SHISA6: variants seen among roughly 807,000 people sequenced by gnomAD.
SHISA6 encodes protein shisa-6.
In SHISA6, 22 loss-of-function variants were observed where a neutral mutation model predicts 47.9. The observed-to-expected ratio is 0.46, with a 90% CI of 0.33 to 0.66. The LOEUF (loss-of-function observed/expected upper bound fraction) is 0.66, where lower values mean the gene tolerates loss of function less well. SHISA6 is among the 30% of genes least tolerant of loss of function. SHISA6 has a pLI of 0.02. For missense variants in SHISA6, 680 were observed against 764.6 expected (o/e 0.89, Z 1.30); for synonymous variants, 388 against 337.8 (o/e 1.15, Z -1.63).
At chr17:11,528,085 A>AT (rs1234008053) in intron 3 of SHISA6, among the ~76,000 whole-genome samples, 1 of 152,132 alleles carries the variant, frequency 6.6e-6, no homozygotes, top group Non-Finnish European at 1.5e-5. Context: ...TTCCTTCCAA[A>AT]TTTGGGGGGT....
intron 3 of SHISA6, among the ~76,000 whole-genome samples, chr17:11,503,023 A>T (rs1315324191): frequency 6.6e-6 from 1 of 152,188 alleles, no homozygotes; most frequent in African/African-American, 2.4e-5. Context: ...TCAACCATGT[A>T]CTTTTTCTTT....
chr17:11,484,625 C>G (rs1436481243), intron 3 of SHISA6, among the ~76,000 whole-genome samples: 10 of 152,194 alleles, frequency 6.6e-5, no homozygotes, highest in Admixed American at 6.5e-4. Flanking sequence ...TCTTGAACTC[C>G]TGACCTCAAG....
chr17:11,488,444 T>A (rs975019404), intron 3 of SHISA6, among the ~76,000 whole-genome samples: 1 of 152,190 alleles, frequency 6.6e-6, no homozygotes, highest in Non-Finnish European at 1.5e-5. Context: ...TGCCTACTTA[T>A]ATTACTAAGG....
intron 3 of SHISA6, among the ~76,000 whole-genome samples, chr17:11,465,145 A>G (rs1366651739): frequency 6.6e-6 from 1 of 152,130 alleles, no homozygotes. Flanking sequence ...ATCTGGTCCA[A>G]CAACCCACTT....
rs188819774 is a variant in SHISA6 at position 11,436,556 on chromosome 17, T to C, written c.895+57047T>C. 9.5e-4 allele frequency among the ~76,000 whole-genome samples: 144 copies of C among 152,326 alleles called. 1 individual carries two copies. Among genetic ancestry groups the C allele is most frequent in the South Asian group, 4.4e-3 (21 of 4,826 alleles). On this transcript the variant is annotated intron_variant, in intron 3 of 5. Transcript: ENST00000441885. ...TTCACTTTAACAGCATCCCTTTATT[T>C]CTTCTTGATTGTACTCATACTAATC...
chr17:11,507,746 G>A (rs1040365793), intron 3 of SHISA6, among the ~76,000 whole-genome samples: 1 of 152,138 alleles, frequency 6.6e-6, no homozygotes, highest in East Asian at 1.9e-4. Context: ...GTTTTAATGT[G>A]TCTCTTGCCA....
chr17:11,290,705 G>A (rs1490469191), intron 2 of SHISA6: 2 of 151,912 alleles, frequency 1.3e-5, no homozygotes, highest in Non-Finnish European at 2.9e-5. Context: ...AAAGTTGTTA[G>A]GAATGTGTTA....
intron 3 of SHISA6, among the ~76,000 whole-genome samples, chr17:11,428,591 A>G (rs1195757597): frequency 6.6e-6 from 1 of 152,218 alleles, no homozygotes; most frequent in Non-Finnish European, 1.5e-5. Context: ...CTATTGCAGC[A>G]TAACAAATTA....
Position 11,277,280 on chromosome 17 carries a change from T to TCTCTCTCTCTCTCACA in SHISA6, c.799+13755_799+13756insTCTCTCTCTCTCACAC, listed in dbSNP as rs1386997909. ...CTCTCTCTCTCTCTCTCTCTCTCTC[T>TCTCTCTCTCTCTCACA]CACACACACACACACACACACACAC... On this transcript the variant is annotated intron_variant, in intron 2 of 5. Coordinates refer to ENST00000441885, the MANE Select transcript of SHISA6 (RefSeq NM_207386.4). Among the ~76,000 whole-genome samples the TCTCTCTCTCTCTCACA allele has an allele frequency of 3.2e-3, 170 of 53,832 alleles. 1 individual carries two copies. The highest frequency in any genetic ancestry group is 0.019 in the Admixed American group (67 of 3,562). The allele number at this position is 53,832 out of a possible 152,430, so 35.3% of individuals were successfully genotyped here.
chr17:11,358,247 C>T (rs1912137219), intron 2 of SHISA6, among the ~76,000 whole-genome samples: 1 of 152,172 alleles, frequency 6.6e-6, no homozygotes, highest in African/African-American at 2.4e-5. Flanking sequence ...TCTATGAACT[C>T]AGCTACTAGT....
At chr17:11,302,679 T>C (rs765645193) in intron 2 of SHISA6, among the ~76,000 whole-genome samples, 1 of 152,206 alleles carries the variant, frequency 6.6e-6, no homozygotes, top group Non-Finnish European at 1.5e-5. Flanking sequence ...AGCCGTCTTT[T>C]GCTTCCAACA....
chr17:11,251,844 C>CTA (rs1907823085), intron 1 of SHISA6, among the ~76,000 whole-genome samples: 1 of 152,110 alleles, frequency 6.6e-6, no homozygotes. Flanking sequence ...CTGGGACACT[C>CTA]TTAATAGCCT....
chr17:11,515,321 G>T (rs916890262), intron 3 of SHISA6, among the ~76,000 whole-genome samples: 1 of 104,086 alleles, frequency 9.6e-6, no homozygotes, highest in Non-Finnish European at 2.1e-5. Flanking sequence ...AAAAAGGAAG[G>T]AAGGAAGGAA....
At position 11,241,537 on chromosome 17, in the gene SHISA6, G is replaced by A; in HGVS notation, c.115G>A (p.Gly39Ser). The A allele has an allele frequency of 9.1e-7, 1 of 1,093,438 alleles. No homozygotes were observed. 67.7% of individuals were successfully genotyped at this position (1,093,438 alleles called of 1,614,324 possible). ...RAANRTLSAGGAAVGGRRAGG... is the reference protein window; with the variant it reads ...RAANRTLSAGSAAVGGRRAGG... Reference sequence around the variant, plus strand: ...CGCCAACCGGACCCTGAGTGCAGGCGGCGCTGCCGTCGGGGGCCGGAGGGC... The same window carrying A: ...CGCCAACCGGACCCTGAGTGCAGGCAGCGCTGCCGTCGGGGGCCGGAGGGC... Residue 39 changes from glycine (G) to serine (S), a missense_variant, in exon 1 of 6, where the codon GGC (glycine) becomes AGC (serine). Coordinates refer to ENST00000441885, the MANE Select transcript of SHISA6 (RefSeq NM_207386.4). The surrounding 1 kb of genome is among the most constrained non-coding windows in gnomAD (Gnocchi z 5.5).
At chr17:11,498,711 A>G (rs2071427284) in intron 3 of SHISA6, among the ~76,000 whole-genome samples, 1 of 152,170 alleles carries the variant, frequency 6.6e-6, no homozygotes, top group African/African-American at 2.4e-5. Context: ...AAGGGGGCGG[A>G]TAGGAGGAGA....
intron 2 of SHISA6, among the ~76,000 whole-genome samples, chr17:11,326,706 C>T (rs1185836193): frequency 6.6e-6 from 1 of 152,168 alleles, no homozygotes; most frequent in Non-Finnish European, 1.5e-5. Flanking sequence ...TTTTTGTATC[C>T]AGACCTCTGT....
At chr17:11,436,846 G>A (rs541653874) in intron 3 of SHISA6, among the ~76,000 whole-genome samples, 1 of 152,206 alleles carries the variant, frequency 6.6e-6, no homozygotes, top group Admixed American at 6.5e-5. Context: ...CTTTAACTCA[G>A]TGATACCCTT....
In SHISA6 at chr17:11,465,154, T is replaced by C. The variant is rs190799629; in HGVS notation, c.895+85645T>C. Among the ~76,000 whole-genome samples, 354 of 152,300 alleles carry C rather than the reference T, an allele frequency of 2.3e-3. 2 individuals are homozygous for C. The highest frequency in any genetic ancestry group is 8.1e-3 in the African/African-American group (335 of 41,566). On this transcript the variant is annotated intron_variant, in intron 3 of 5. Transcript: ENST00000441885. ...CAAAGGATCTGGTCCAACAACCCAC[T>C]TGCTGCATTCTCAACGTGCAGTGTC...
rs187616965 is a variant in SHISA6 at position 11,467,184 on chromosome 17, T to G, written c.896-84712T>G. Reference sequence around the variant, plus strand: ...AAGGATCTATTTCCGTCATAAGTATTCATTCATGCCTTCACTTGGCAAATA... The same window carrying G: ...AAGGATCTATTTCCGTCATAAGTATGCATTCATGCCTTCACTTGGCAAATA... On this transcript the variant is annotated intron_variant, in intron 3 of 5. Transcript: ENST00000441885. 2.6e-5 allele frequency among the ~76,000 whole-genome samples: 4 copies of G among 152,352 alleles called. No homozygotes were observed. The East Asian group carries it at 7.7e-4, about 29-fold the overall frequency.
Sources: allele counts gnomAD v4.1 joint callset (sites outside exome capture counted in the v4.1 genomes callset), GRCh38; gene constraint gnomAD v4.1.1; non-coding constraint Gnocchi (gnomAD v3.1); transcripts MANE v1.5; gene names NCBI Gene and HGNC (gene_info 2026-07-23, HGNC 2026-07-21).